The following TMEM232 variants were observed in gnomAD, a reference collection of about 807,000 sequenced individuals.
The protein encoded by TMEM232 is transmembrane protein 232.
In TMEM232, 80 loss-of-function variants were observed where a neutral mutation model predicts 78.8. That is an observed-to-expected ratio of 1.01 (90% CI 0.85 to 1.22). The LOEUF (loss-of-function observed/expected upper bound fraction) is 1.22. TMEM232 is among the 50% of genes most tolerant of loss of function. The pLI, the probability that TMEM232 is intolerant of heterozygous loss-of-function variation, is 0.00. For synonymous variants in TMEM232, 297 were observed against 254.3 expected, an observed-to-expected ratio of 1.17 and a Z score of -1.60; for missense variants, 881 against 742.2, an observed-to-expected ratio of 1.19 and a Z score of -2.17.
intron 12 of TMEM232, among the ~76,000 whole-genome samples, chr5:110,509,494 T>C: frequency 6.6e-6 from 1 of 152,054 alleles, no homozygotes; most frequent in East Asian, 1.9e-4. Flanking sequence ...TGTCAATTAA[T>C]CAGAAAAGCC....
chr5:110,524,347 GAAAGAAAGAAAGAAAA>G (rs1391484559), intron 12 of TMEM232, among the ~76,000 whole-genome samples: 29 of 88,536 alleles, frequency 3.3e-4, no homozygotes, highest in East Asian at 1.3e-3. Context: ...AAAAGAAAGA[GAAAGAAAGAAAGAAAA>G]AAAGAAAGAA....
At chr5:110,593,158 AG>A (rs1466304505) in intron 10 of TMEM232, among the ~76,000 whole-genome samples, 2 of 152,184 alleles carry the variant, frequency 1.3e-5, no homozygotes, top group Admixed American at 1.3e-4. Flanking sequence ...ACTGCTCAGA[AG>A]GAAGAAAGCT....
intron 4 of TMEM232, among the ~76,000 whole-genome samples, chr5:110,388,601 A>C (rs528333925): frequency 6.6e-6 from 1 of 152,216 alleles, no homozygotes; most frequent in African/African-American, 2.4e-5. Context: ...TGCACTATGC[A>C]TATGGGCAAG....
chr5:110,418,136 G>T (rs1756329410), downstream of TMEM232: 1 of 152,222 alleles, frequency 6.6e-6, no homozygotes, highest in East Asian at 1.9e-4. Flanking sequence ...TACTGTTTCA[G>T]TGTTATTTCT....
chr5:110,463,408 G>A (rs1761743670), intron 12 of TMEM232, among the ~76,000 whole-genome samples: 1 of 152,134 alleles, frequency 6.6e-6, no homozygotes, highest in Non-Finnish European at 1.5e-5. Context: ...TATATGCACT[G>A]GGGAATAACA....
intron 2 of TMEM232, among the ~76,000 whole-genome samples, chr5:110,647,741 A>G (rs990994645): frequency 6.6e-6 from 1 of 151,932 alleles, no homozygotes; most frequent in Admixed American, 6.6e-5. Context: ...TTGACATTTC[A>G]CATTACTTCC....
At chr5:110,683,921 T>C (rs2150192586) in intron 1 of TMEM232, among the ~76,000 whole-genome samples, 1 of 152,162 alleles carries the variant, frequency 6.6e-6, no homozygotes, top group South Asian at 2.1e-4. Flanking sequence ...TTACAGACCA[T>C]AACATTGGTG....
intron 7 of TMEM232, among the ~76,000 whole-genome samples, chr5:110,622,843 G>A (rs183420459): frequency 3.1e-4 from 46 of 150,432 alleles, no homozygotes; most frequent in Admixed American, 2.7e-3. Flanking sequence ...GGAATGTTGT[G>A]GGGTGTGGGG....
intron 8 of TMEM232, among the ~76,000 whole-genome samples, chr5:110,610,142 A>G (rs1037771746): frequency 2.7e-5 from 4 of 149,402 alleles, no homozygotes; most frequent in Non-Finnish European, 5.9e-5. Context: ...GTCTTTCATA[A>G]TTTAGAGGAA....
At chr5:110,721,654 CATGTGT>C (rs143634899) in intron 1 of TMEM232, among the ~76,000 whole-genome samples, 9 of 9,912 alleles carry the variant, frequency 9.1e-4, no homozygotes, top group Middle Eastern at 0.083. Context: ...GTCTGCATAT[CATGTGT>C]GTGTGTGTGT....
chr5:110,429,937 C>T (rs1235499929), intron 12 of TMEM232: 1 of 151,662 alleles, frequency 6.6e-6, no homozygotes, highest in African/African-American at 2.4e-5. Flanking sequence ...ACTTTCTTGT[C>T]TTAGTTCTAT....
intron 10 of TMEM232, among the ~76,000 whole-genome samples, chr5:110,591,332 C>G (rs1779501993): frequency 6.6e-6 from 1 of 152,076 alleles, no homozygotes; most frequent in Non-Finnish European, 1.5e-5. Flanking sequence ...GTGGCACACA[C>G]CTGTAATCCC....
At chr5:110,669,286 G>C (rs937283435) in intron 1 of TMEM232, among the ~76,000 whole-genome samples, 5 of 152,122 alleles carry the variant, frequency 3.3e-5, no homozygotes, top group African/African-American at 1.2e-4. Flanking sequence ...AATAAAAAAT[G>C]ATAAAGGGGA....
chr5:110,499,531 C>A (rs541714301), intron 12 of TMEM232, among the ~76,000 whole-genome samples: 2 of 151,884 alleles, frequency 1.3e-5, no homozygotes, highest in African/African-American at 4.8e-5. Context: ...GCCAGGATTA[C>A]AGGCATGAGC....
At chr5:110,508,905 A>AAATTATATATATGTATATATAT (rs1005595205) in intron 12 of TMEM232, among the ~76,000 whole-genome samples, 2 of 142,096 alleles carry the variant, frequency 1.4e-5, no homozygotes, top group Non-Finnish European at 3.1e-5. Flanking sequence ...TATATATATA[A>AAATTATATATATGTATATATAT]AATTATATAT....
chr5:110,414,246 A>G (rs900571041), intron 2 of TMEM232, among the ~76,000 whole-genome samples: 1 of 152,064 alleles, frequency 6.6e-6, no homozygotes, highest in Non-Finnish European at 1.5e-5. Flanking sequence ...TGCTTGTTTT[A>G]CACACACACA....
intron 1 of TMEM232, among the ~76,000 whole-genome samples, chr5:110,690,488 G>C (rs914955418): frequency 6.6e-6 from 1 of 152,150 alleles, no homozygotes; most frequent in African/African-American, 2.4e-5. Flanking sequence ...ATGCTATAGA[G>C]GATGTGGAGA....
At chr5:110,389,324 A>G (rs111635438) in intron 4 of TMEM232, among the ~76,000 whole-genome samples, 2 of 152,278 alleles carry the variant, frequency 1.3e-5, no homozygotes, top group African/African-American at 2.4e-5. Flanking sequence ...AGGCGTATTT[A>G]CCATTGGAAA....
At chr5:110,640,059 T>A (rs1786454108) in intron 4 of TMEM232, among the ~76,000 whole-genome samples, 1 of 152,150 alleles carries the variant, frequency 6.6e-6, no homozygotes, top group African/African-American at 2.4e-5. Context: ...CTCTTCTAAA[T>A]CACATGACTG....
Sources: allele counts gnomAD v4.1 joint callset (sites outside exome capture counted in the v4.1 genomes callset), GRCh38; gene constraint gnomAD v4.1.1; transcripts MANE v1.5; gene names NCBI Gene and HGNC (gene_info 2026-07-23, HGNC 2026-07-21).